Variants in MYO1B observed in about 807,000 individuals in gnomAD.
MYO1B encodes the protein myosin IB, also known as unconventional myosin-Ib.
A neutral mutation model predicts 159.7 loss-of-function variants in MYO1B; 72 were observed. That is an observed-to-expected ratio of 0.45 (90% CI 0.37 to 0.55). MYO1B has a LOEUF of 0.55. Ranked by LOEUF, MYO1B falls within the 20% of genes least tolerant of loss-of-function variation. The pLI, the probability that MYO1B is intolerant of heterozygous loss-of-function variation, is 0.00. For missense variants in MYO1B, 1,062 were observed against 1,364.8 expected, an observed-to-expected ratio of 0.78 and a Z score of 3.50; for synonymous variants, 468 against 473.8, an observed-to-expected ratio of 0.99 and a Z score of 0.16.
Position 191,288,767 on chromosome 2 carries a change from C to T in MYO1B, c.136-7344C>T, listed in dbSNP as rs373286102. ...GCAGCCTTGTGATGGGTTATTCTTACCTGAATCCTGGCCCATCCTGGATTT... is the reference window on the plus strand; with the variant it reads ...GCAGCCTTGTGATGGGTTATTCTTATCTGAATCCTGGCCCATCCTGGATTT... On this transcript the variant is annotated intron_variant, in intron 2 of 30. Transcript: ENST00000392318. 2.6e-5 allele frequency among the ~76,000 whole-genome samples: 4 copies of T among 152,272 alleles called. No individual in the cohort carries two copies. In the East Asian group the frequency reaches 5.8e-4, roughly 22 times the overall value.
At chr2:191,343,337 C>T (rs1692345903) in intron 5 of MYO1B, among the ~76,000 whole-genome samples, 1 of 152,156 alleles carries the variant, frequency 6.6e-6, no homozygotes, top group Non-Finnish European at 1.5e-5. Flanking sequence ...CGTTTGTACT[C>T]AGGCTCAGCC....
chr2:191,387,481 C>G, intron 17 of MYO1B, 31 bp downstream of exon 17: 1 of 1,573,358 alleles, frequency 6.4e-7, no homozygotes, highest in Non-Finnish European at 8.7e-7. Context: ...TTTCACAGTT[C>G]AAATGTGAGA....
At chr2:191,290,191 T>C (rs892980867) in intron 2 of MYO1B, among the ~76,000 whole-genome samples, 4 of 152,262 alleles carry the variant, frequency 2.6e-5, no homozygotes, top group African/African-American at 9.6e-5. Context: ...TTTTATACTT[T>C]GATAATTATC....
chr2:191,417,895 G>A (rs564726218), intron 30 of MYO1B, among the ~76,000 whole-genome samples: 1 of 152,182 alleles, frequency 6.6e-6, no homozygotes, highest in Non-Finnish European at 1.5e-5. Flanking sequence ...GCTTGTGTTC[G>A]AAGGTGTGCC....
chr2:191,271,428 C>G (rs529928119), intron 1 of MYO1B, among the ~76,000 whole-genome samples: 6 of 152,196 alleles, frequency 3.9e-5, no homozygotes, highest in Admixed American at 3.9e-4. Context: ...AATCCCAGCA[C>G]TTTGGAACTT....
At chr2:191,345,075 G>A (rs1203294617) in intron 5 of MYO1B, among the ~76,000 whole-genome samples, 1 of 152,132 alleles carries the variant, frequency 6.6e-6, no homozygotes, top group African/African-American at 2.4e-5. Context: ...GAGACCTCTA[G>A]AGATTTGATG....
chr2:191,309,619 C>G (rs1487244031), intron 3 of MYO1B, among the ~76,000 whole-genome samples: 1 of 152,184 alleles, frequency 6.6e-6, no homozygotes, highest in Non-Finnish European at 1.5e-5. Flanking sequence ...TTACTTCTCA[C>G]CCTCTCTTCC....
chr2:191,415,490 G>A (rs987133049), intron 29 of MYO1B, among the ~76,000 whole-genome samples: 4 of 152,016 alleles, frequency 2.6e-5, no homozygotes, highest in African/African-American at 2.4e-5. Context: ...AGTGACACAT[G>A]TAAACAGCTT....
At chr2:191,287,794 C>A (rs1688466903) in intron 2 of MYO1B, among the ~76,000 whole-genome samples, 1 of 151,990 alleles carries the variant, frequency 6.6e-6, no homozygotes. Flanking sequence ...CTTTTCACTT[C>A]AAAACTGCTT....
chr2:191,399,975 A>G lies in MYO1B; in HGVS notation c.2296-407A>G, dbSNP rs577890377. Among the ~76,000 whole-genome samples, 5 of 152,218 alleles carry G rather than the reference A, an allele frequency of 3.3e-5. No homozygotes were observed. The South Asian group carries it at 1.0e-3, about 32-fold the overall frequency. On this transcript the variant is annotated intron_variant, in intron 21 of 30. Transcript: ENST00000392318. ...GATCATTTTGGTTTTGGAGTTTTAAAAATATCTTGAATAAAAAGGACAGCT... is the reference window on the plus strand; with the variant it reads ...GATCATTTTGGTTTTGGAGTTTTAAGAATATCTTGAATAAAAAGGACAGCT...
chr2:191,346,200 A>AT, intron 5 of MYO1B, 36 bp from the exon 6 acceptor site: 18 of 1,472,566 alleles, frequency 1.2e-5, no homozygotes, highest in South Asian at 3.9e-5. Flanking sequence ...GATTATTATT[A>AT]TTTTTTTAAC....
intron 21 of MYO1B, among the ~76,000 whole-genome samples, chr2:191,398,532 G>A (rs1696350964): frequency 1.3e-5 from 2 of 150,636 alleles, no homozygotes; most frequent in African/African-American, 4.9e-5. Context: ...CCAGGCAGAG[G>A]GTTTCCTCAC....
At chr2:191,255,989 C>G (rs549103152) in intron 1 of MYO1B, among the ~76,000 whole-genome samples, 1 of 152,302 alleles carries the variant, frequency 6.6e-6, no homozygotes, top group Non-Finnish European at 1.5e-5. Flanking sequence ...TTTCCAGTGT[C>G]TCAGCCTTCT....
intron 3 of MYO1B, among the ~76,000 whole-genome samples, chr2:191,305,207 CTT>C (rs1274380015): frequency 2.0e-5 from 3 of 152,166 alleles, no homozygotes; most frequent in Non-Finnish European, 1.5e-5. Context: ...AAATTGGAAT[CTT>C]TGCCACAATC....
At chr2:191,324,665 T>C (rs1415188400) in intron 3 of MYO1B, among the ~76,000 whole-genome samples, 1 of 152,164 alleles carries the variant, frequency 6.6e-6, no homozygotes, top group African/African-American at 2.4e-5. Flanking sequence ...CTTGGACTAT[T>C]TAGGAATGTT....
At chr2:191,259,807 A>G (rs918301214) in intron 1 of MYO1B, among the ~76,000 whole-genome samples, 2 of 152,002 alleles carry the variant, frequency 1.3e-5, no homozygotes, top group Non-Finnish European at 1.5e-5. Context: ...GGCTTGTGTG[A>G]TGTTGGGAAT....
At chr2:191,275,917 T>G (rs1332501703) in intron 1 of MYO1B, among the ~76,000 whole-genome samples, 1 of 152,368 alleles carries the variant, frequency 6.6e-6, no homozygotes, top group East Asian at 1.9e-4. Context: ...TTTTTAGTAC[T>G]CTTGACAGTG....
In MYO1B at chr2:191,369,598, G is replaced by C. The variant is rs2126035899; in HGVS notation, c.1089G>C (p.Trp363Cys). 2 of 1,613,428 alleles carry C rather than the reference G, an allele frequency of 1.2e-6. No homozygotes were observed. Among genetic ancestry groups the C allele is most frequent in the Non-Finnish European group, 1.7e-6 (2 of 1,179,586 alleles). Residue 363 changes from tryptophan to cysteine, a missense_variant, in exon 12 of 31, where the codon TGG becomes TGC. Physicochemically the swap from Trp to Cys is radical, Grantham distance 215. Coordinates refer to ENST00000392318, the MANE Select transcript of MYO1B (RefSeq NM_001130158.3). ...ACCTCTACAGCAGGTTGTTTTCATG[G>C]TTGGTAAATCGAATCAATGAAAGCA... ...AKNLYSRLFS[W>C]LVNRINESIK...
chr2:191,419,596 G>T (rs146297504), intron 30 of MYO1B, among the ~76,000 whole-genome samples: 1 of 152,118 alleles, frequency 6.6e-6, no homozygotes, highest in African/African-American at 2.4e-5. Flanking sequence ...CCTCGGGCAG[G>T]TCCTTAAGGG....
Sources: gnomAD v4.1 joint callset for allele counts (sites outside exome capture counted in the v4.1 genomes callset) on GRCh38, gnomAD v4.1.1 for gene constraint, MANE v1.5 for transcripts, NCBI Gene and HGNC (gene_info 2026-07-23, HGNC 2026-07-21) for gene names.